Variants in RNASET2 observed in about 807,000 individuals in gnomAD.
RNASET2 encodes ribonuclease 6.
Under a neutral mutation model 33.9 loss-of-function variants are expected in RNASET2, and 28 were observed. The ratio of observed to expected loss-of-function variants is 0.83; its 90% CI spans 0.61 to 1.13. The LOEUF (loss-of-function observed/expected upper bound fraction) is 1.13, where lower values mean the gene tolerates loss of function less well. Among genes scored for constraint, RNASET2 ranks in the 50% most tolerant of loss-of-function variants. The pLI is 0.00. For missense variants in RNASET2, 330 were observed against 319.9 expected (o/e 1.03, Z -0.24); for synonymous variants, 123 against 121.0 (o/e 1.02, Z -0.11).
intron 2 of RNASET2, among the ~76,000 whole-genome samples, chr6:166,952,130 G>T (rs1299619632): frequency 6.6e-6 from 1 of 152,218 alleles, no homozygotes; most frequent in African/African-American, 2.4e-5. Context: ...GCCCAGGAAC[G>T]CAGAGGACCA....
chr6:166,934,332 C>A, intron 6 of RNASET2, 196 bp from the exon 7 acceptor site: 1 of 598,832 alleles, frequency 1.7e-6, no homozygotes, highest in Non-Finnish European at 3.0e-6. Flanking sequence ...CACCCCTTAG[C>A]ACACACACAA....
At chr6:166,947,161 C>T (rs1027498704) in intron 3 of RNASET2, among the ~76,000 whole-genome samples, 1 of 152,102 alleles carries the variant, frequency 6.6e-6, no homozygotes, top group African/African-American at 2.4e-5. Context: ...CAGCGAGAGT[C>T]TGTTCCTTTC....
In RNASET2 at chr6:166,943,092, A is replaced by G. The variant is rs757006758; in HGVS notation, c.262-3T>C. On this transcript the variant is annotated splice_polypyrimidine_tract_variant and splice_region_variant and intron_variant, in intron 4 of 8. Coordinates refer to ENST00000508775, the MANE Select transcript of RNASET2 (RefSeq NM_003730.6). ...GCCCTCATTTCTGGCAAAAGATCCT[A>G]TGCATTAAAAAATAAAATAAGTCTA... is the stretch of plus-strand genomic sequence containing the variant. 8 of 1,610,452 alleles carry G rather than the reference A, an allele frequency of 5.0e-6. No individual in the cohort carries two copies. Among genetic ancestry groups the G allele is most frequent in the Middle Eastern group, 1.6e-4 (1 of 6,080 alleles).
intron 1 of RNASET2, among the ~76,000 whole-genome samples, chr6:166,954,437 C>T (rs1779057904): frequency 6.6e-6 from 1 of 152,200 alleles, no homozygotes; most frequent in Non-Finnish European, 1.5e-5. Flanking sequence ...TCTCCTGAAG[C>T]CAACTCTGTG....
chr6:166,954,997 T>A (rs867780991), intron 1 of RNASET2, among the ~76,000 whole-genome samples: 1 of 151,232 alleles, frequency 6.6e-6, no homozygotes, highest in South Asian at 2.1e-4. Flanking sequence ...TAAAAAAAAA[T>A]AAATAAGTAA....
In RNASET2 at chr6:166,956,099, C is replaced by G; in HGVS notation, c.84G>C (p.Leu28=). The part of the protein sequence containing the change: ...LLCLGGADKR[L]RDNHEWKKLI... ...CTTTACCTCGCAAGGTAACTCACCG[C>G]AGGCGCTTGTCCGCACCGCCCAGGC... Residue 28 remains leucine (L), a splice_region_variant and synonymous_variant, in exon 1 of 9, where the codon CTG becomes CTC. Coordinates refer to ENST00000508775, the MANE Select transcript of RNASET2 (RefSeq NM_003730.6). 1 of 1,552,254 alleles carries G rather than the reference C, an allele frequency of 6.4e-7. No homozygotes were observed. Among genetic ancestry groups the G allele is most frequent in the Non-Finnish European group, 8.7e-7 (1 of 1,147,194 alleles).
chr6:166,927,023 C>T lies in RNASET2; in HGVS notation c.*2565G>A, dbSNP rs142686371. Among the ~76,000 whole-genome samples, 443 of 152,292 alleles carry T rather than the reference C, an allele frequency of 2.9e-3. 4 individuals carry two copies. The highest frequency in any genetic ancestry group is 0.01 in the Middle Eastern group (3 of 292). ...TGGCCTGCTCCTCCTTCCACACATA[C>T]GAGCCTGAGACCCCGCTCACATGGG... On this transcript the variant is annotated 3_prime_UTR_variant, in exon 9 of 9. Transcript: ENST00000508775.
chr6:166,926,252 C>T lies in RNASET2; in HGVS notation c.*3336G>A, dbSNP rs185310736. Among the ~76,000 whole-genome samples the T allele has an allele frequency of 2.0e-5, 3 of 151,436 alleles. No individual in the cohort carries two copies. Among genetic ancestry groups the T allele is most frequent in the African/African-American group, 7.3e-5 (3 of 41,312 alleles). ...AAAGTTTCGGTGGAAAGATAAGATA[C>T]CTGGGCCAGGCGCGGTGGCTCACAC... On this transcript the variant is annotated 3_prime_UTR_variant, in exon 9 of 9. Coordinates refer to ENST00000508775, the MANE Select transcript of RNASET2 (RefSeq NM_003730.6).
At position 166,926,005 on chromosome 6, in the gene RNASET2, G is replaced by A. The variant is rs1222156620; in HGVS notation, c.*3583C>T. ...TGGTTACGGAGAGTGGCACAAACAC[G>A]GTGCCAGCGTCCAGCACTGACAGTC... On this transcript the variant is annotated 3_prime_UTR_variant, in exon 9 of 9. Transcript: ENST00000508775. 2.6e-5 allele frequency among the ~76,000 whole-genome samples: 4 copies of A among 152,176 alleles called. No homozygotes were observed. Among genetic ancestry groups the A allele is most frequent in the African/African-American group, 7.2e-5 (3 of 41,444 alleles).
intron 4 of RNASET2, among the ~76,000 whole-genome samples, chr6:166,946,429 G>T (rs529078146): frequency 6.6e-6 from 1 of 152,236 alleles, no homozygotes; most frequent in Non-Finnish European, 1.5e-5. Flanking sequence ...TGCTCCGGTC[G>T]GAGCCCCTCG....
chr6:166,938,590 G>A (rs770362009), intron 6 of RNASET2: 4 of 643,322 alleles, frequency 6.2e-6, no homozygotes, highest in Non-Finnish European at 1.2e-5. Flanking sequence ...AATCATGGCT[G>A]AGAACGGCAC....
rs1018709828 is a variant in RNASET2, at chr6:166,924,888, T to C, written c.*4700A>G. Reference sequence around the variant, plus strand: ...CTGCTTATGGCCATGTCCCAGTGCCTAGAAGAGAGGCGGCTCATAGGAAGG... The same window carrying C: ...CTGCTTATGGCCATGTCCCAGTGCCCAGAAGAGAGGCGGCTCATAGGAAGG... On this transcript the variant is annotated 3_prime_UTR_variant, in exon 9 of 9. Coordinates refer to ENST00000508775, the MANE Select transcript of RNASET2 (RefSeq NM_003730.6). Among the ~76,000 whole-genome samples the C allele has an allele frequency of 6.6e-6, 1 of 152,180 alleles. No homozygotes were observed. Among genetic ancestry groups the C allele is most frequent in the Admixed American group, 6.5e-5 (1 of 15,284 alleles).
chr6:166,946,897 A>C, intron 3 of RNASET2, 158 bp from the exon 4 acceptor site: 1 of 697,384 alleles, frequency 1.4e-6, no homozygotes. Flanking sequence ...CTTAAGAAAG[A>C]AGATGCAGGT....
At chr6:166,942,868 A>T (rs1778724390) in intron 5 of RNASET2, 151 bp downstream of exon 5, 2 of 673,922 alleles carry the variant, frequency 3.0e-6, no homozygotes, top group South Asian at 3.3e-5. Flanking sequence ...TAACAGAATC[A>T]TATCTCATAA....
At chr6:166,953,024 G>A (rs145749551) in intron 1 of RNASET2, 72 of 198,420 alleles carry the variant, frequency 3.6e-4, no homozygotes, top group African/African-American at 1.4e-3. Context: ...GCTATTTATC[G>A]TTACTACCCC....
rs138733173 is a variant in RNASET2 at position 166,934,686 on chromosome 6, G to C, written c.447-550C>G. On this transcript the variant is annotated intron_variant, in intron 6 of 8. Coordinates refer to ENST00000508775, the MANE Select transcript of RNASET2 (RefSeq NM_003730.6). ...TACATACAGGTGCCTACAGTACTCA[G>C]TAGAGTCACACACTGTACAGGTTTG... is the stretch of plus-strand genomic sequence containing the variant. 94 of 169,370 alleles carry C rather than the reference G, an allele frequency of 5.5e-4. 2 individuals carry two copies. The Middle Eastern group carries it at 0.011, about 20-fold the overall frequency. The allele number at this position is 169,370 out of a possible 1,614,324, so 10.5% of individuals were successfully genotyped here. A position where few individuals can be genotyped will look rare whatever the true frequency, so the allele number is the denominator to read the frequency against.
chr6:166,931,189 G>T, intron 7 of RNASET2, 71 bp from the exon 8 acceptor site: 1 of 1,099,472 alleles, frequency 9.1e-7, no homozygotes, highest in Non-Finnish European at 1.4e-6. Context: ...GGACTATCCT[G>T]AGCGCAACAG....
In RNASET2 at chr6:166,924,679, C is replaced by A. The variant is rs1231473583; in HGVS notation, c.*4909G>T. 1.3e-5 allele frequency among the ~76,000 whole-genome samples: 2 copies of A among 152,222 alleles called. No individual in the cohort carries two copies. The highest frequency in any genetic ancestry group is 1.9e-4 in the East Asian group (1 of 5,186). ...CATCAAATGCACCAGCTATGCTCCT[C>A]TTTTCCCTTGCCGTCTGTTGCCCTG... On this transcript the variant is annotated 3_prime_UTR_variant, in exon 9 of 9. Coordinates refer to ENST00000508775, the MANE Select transcript of RNASET2 (RefSeq NM_003730.6).
intron 1 of RNASET2, among the ~76,000 whole-genome samples, chr6:166,954,276 C>T (rs1038912292): frequency 5.9e-5 from 9 of 152,224 alleles, no homozygotes; most frequent in Non-Finnish European, 1.2e-4. Flanking sequence ...ACCATGTTCT[C>T]GCAAATCTTG....
Sources: allele counts gnomAD v4.1 joint callset (sites outside exome capture counted in the v4.1 genomes callset), GRCh38; gene constraint gnomAD v4.1.1; transcripts MANE v1.5; gene names NCBI Gene and HGNC (gene_info 2026-07-23, HGNC 2026-07-21).